NRG1: variants seen among roughly 807,000 people sequenced by gnomAD.
NRG1 encodes the protein pro-neuregulin-1, membrane-bound isoform.
In NRG1, 18 loss-of-function variants were observed where a neutral mutation model predicts 63.8. The observed-to-expected ratio is 0.28, with a 90% CI of 0.19 to 0.42. The LOEUF is 0.42. Among genes scored for constraint, NRG1 ranks in the 10% least tolerant of loss-of-function variants. NRG1 has a pLI of 1.00. For synonymous variants in NRG1, 302 were observed against 301.3 expected (o/e 1.00, Z -0.02); for missense variants, 762 against 814.7 (o/e 0.94, Z 0.79).
chr8:31,963,281 G>T (rs550695266), intron 1 of NRG1, among the ~76,000 whole-genome samples: 1 of 152,310 alleles, frequency 6.6e-6, no homozygotes, highest in South Asian at 2.1e-4. Flanking sequence ...AACACAATGT[G>T]TCAGCTAAAT....
At chr8:31,678,067 A>G (rs910221492) in intron 1 of NRG1, among the ~76,000 whole-genome samples, 1 of 142,286 alleles carries the variant, frequency 7.0e-6, no homozygotes, top group African/African-American at 2.5e-5. Flanking sequence ...GAAACCAACA[A>G]CCAGAAAACC....
chr8:31,640,655 G>A lies in NRG1; in HGVS notation c.37+1224G>A, dbSNP rs1021029930. 6.7e-5 allele frequency: 107 copies of A among 1,608,852 alleles called. No homozygotes were observed. The highest frequency in any genetic ancestry group is 8.9e-5 in the Non-Finnish European group (105 of 1,178,446). On this transcript the variant is annotated intron_variant, in intron 1 of 10. Coordinates refer to the NRG1 transcript ENST00000519301. The surrounding 1 kb of genome is among the most constrained non-coding windows in gnomAD (Gnocchi z 6.3). ...ACCAGCCGCGCGCCGGCCGCCTTCC[G>A]AGCCTCTTTCCCCCCTCTGGAGACG...
chr8:32,388,138 T>C (rs562595497), intron 1 of NRG1, among the ~76,000 whole-genome samples: 2 of 152,322 alleles, frequency 1.3e-5, no homozygotes, highest in African/African-American at 2.4e-5. Flanking sequence ...TTCCTTTTGA[T>C]GTCTTTGTCA....
intron 1 of NRG1, among the ~76,000 whole-genome samples, chr8:32,314,135 C>T (rs1253458054): frequency 1.3e-5 from 2 of 151,742 alleles, no homozygotes; most frequent in African/African-American, 2.4e-5. Flanking sequence ...CCAGCAAATT[C>T]ATCACATGCT....
chr8:31,884,549 A>C (rs1030018794), intron 1 of NRG1, among the ~76,000 whole-genome samples: 1 of 151,592 alleles, frequency 6.6e-6, no homozygotes, highest in African/African-American at 2.4e-5. Flanking sequence ...CAATGTGACC[A>C]CTCCCTTTTT....
chr8:31,725,525 C>G lies in NRG1; in HGVS notation c.37+86094C>G, dbSNP rs549583016. ...AAGTTTTGAGGTCTCAGCACTTTTC[C>G]AGGCACAGCATTCTGGATCTTGGCA... On this transcript the variant is annotated intron_variant, in intron 1 of 10. Coordinates refer to the NRG1 transcript ENST00000519301. Among the ~76,000 whole-genome samples the G allele has an allele frequency of 1.9e-4, 29 of 152,154 alleles. 1 individual carries two copies. The highest frequency in any genetic ancestry group is 7.9e-4 in the Admixed American group (12 of 15,256).
chr8:32,463,214 G>A (rs1263561505), intron 1 of NRG1, among the ~76,000 whole-genome samples: 3 of 151,984 alleles, frequency 2.0e-5, no homozygotes, highest in Non-Finnish European at 4.4e-5. Flanking sequence ...GGATTCTTAG[G>A]TTGTTTTCAT....
intron 1 of NRG1, among the ~76,000 whole-genome samples, chr8:32,553,505 A>G (rs1253987854): frequency 6.6e-6 from 1 of 152,166 alleles, no homozygotes; most frequent in African/African-American, 2.4e-5. Flanking sequence ...ACATTATGAA[A>G]ACAGTACTGA....
chr8:31,969,740 G>T (rs1806967739), intron 1 of NRG1, among the ~76,000 whole-genome samples: 1 of 152,044 alleles, frequency 6.6e-6, no homozygotes. Flanking sequence ...TCTTTCTTAA[G>T]CTCTTCATTT....
At chr8:32,342,324 A>C (rs1313013757) in intron 1 of NRG1, among the ~76,000 whole-genome samples, 1 of 152,228 alleles carries the variant, frequency 6.6e-6, no homozygotes, top group African/African-American at 2.4e-5. Context: ...CAGATTGACT[A>C]TCAGTCATTT....
chr8:31,672,571 T>A (rs1807264494), intron 1 of NRG1, among the ~76,000 whole-genome samples: 1 of 152,130 alleles, frequency 6.6e-6, no homozygotes, highest in Admixed American at 6.5e-5. Context: ...GTTTAAAAAA[T>A]ATGGCATGTA....
At chr8:32,513,582 T>A (rs1393936793) in intron 1 of NRG1, among the ~76,000 whole-genome samples, 1 of 152,208 alleles carries the variant, frequency 6.6e-6, no homozygotes. Context: ...CTATAAACTT[T>A]GTTCCAGCTT....
chr8:31,942,236 A>G (rs1448924782), intron 1 of NRG1, among the ~76,000 whole-genome samples: 3 of 152,162 alleles, frequency 2.0e-5, no homozygotes, highest in African/African-American at 7.2e-5. Context: ...ATAAACCCAA[A>G]TACTTACAGC....
At chr8:32,737,919 C>T (rs1825495923) in intron 6 of NRG1, among the ~76,000 whole-genome samples, 1 of 152,034 alleles carries the variant, frequency 6.6e-6, no homozygotes, top group Admixed American at 6.6e-5. Flanking sequence ...GTGATCAGCC[C>T]ACCTTGGCTT....
chr8:32,258,564 A>G (rs2129471317), intron 1 of NRG1, among the ~76,000 whole-genome samples: 1 of 152,316 alleles, frequency 6.6e-6, no homozygotes, highest in South Asian at 2.1e-4. Context: ...AGGCCTCAGG[A>G]AACGTACAGT....
At chr8:32,304,292 A>C (rs1855950438) in intron 1 of NRG1, among the ~76,000 whole-genome samples, 1 of 152,394 alleles carries the variant, frequency 6.6e-6, no homozygotes, top group African/African-American at 2.4e-5. Flanking sequence ...GATTTTCGCA[A>C]ACAAATTATG....
At chr8:32,280,112 T>C (rs1342570364) in intron 1 of NRG1, among the ~76,000 whole-genome samples, 1 of 149,418 alleles carries the variant, frequency 6.7e-6, no homozygotes, top group East Asian at 1.9e-4. Flanking sequence ...GTATGAATAA[T>C]AAATGAATGA....
intron 1 of NRG1, among the ~76,000 whole-genome samples, chr8:32,259,473 A>G (rs1429080792): frequency 6.6e-6 from 1 of 152,188 alleles, no homozygotes; most frequent in Non-Finnish European, 1.5e-5. Flanking sequence ...CACCATCCCC[A>G]GATGCCAGCA....
At chr8:31,833,658 C>G (rs1241251502) in intron 1 of NRG1, among the ~76,000 whole-genome samples, 3 of 152,106 alleles carry the variant, frequency 2.0e-5, no homozygotes, top group Non-Finnish European at 2.9e-5. Flanking sequence ...TTGGGTATGT[C>G]CCTGCTTGTT....
Sources: allele counts gnomAD v4.1 joint callset (sites outside exome capture counted in the v4.1 genomes callset), GRCh38; gene constraint gnomAD v4.1.1; non-coding constraint Gnocchi (gnomAD v3.1); transcripts MANE v1.5; gene names NCBI Gene and HGNC (gene_info 2026-07-23, HGNC 2026-07-21).